The following ANO2 variants were observed in gnomAD, a reference collection of about 807,000 sequenced individuals.
ANO2 encodes the protein anoctamin-2.
ANO2 carries 101 observed loss-of-function variants against 124.2 expected under a neutral mutation model. The observed-to-expected ratio is 0.81, with a 90% CI of 0.69 to 0.96. The LOEUF is 0.96. ANO2 is among the 40% of genes least tolerant of loss of function. The probability of loss-of-function intolerance (pLI) is 0.00; values close to 1 mark genes in which losing one functional copy is unlikely to be tolerated. For missense variants in ANO2, 1,293 were observed against 1,274.5 expected (o/e 1.01, Z -0.22); for synonymous variants, 486 against 482.5 (o/e 1.01, Z -0.09).
intron 14 of ANO2, among the ~76,000 whole-genome samples, chr12:5,696,808 G>A (rs562392293): frequency 6.6e-5 from 10 of 152,230 alleles, no homozygotes; most frequent in Non-Finnish European, 1.3e-4. Flanking sequence ...TACATGAAGA[G>A]TTTAAGATTT....
chr12:5,633,642 G>A lies in ANO2; in HGVS notation c.1816+1510C>T, dbSNP rs112882562. 1.9e-3 allele frequency among the ~76,000 whole-genome samples: 288 copies of A among 151,766 alleles called. 2 individuals carry two copies. The highest frequency in any genetic ancestry group is 7.0e-3 in the Middle Eastern group (2 of 284). The stretch of plus-strand genomic sequence containing the variant: ...CGTCAGCACAGTTTCCCACTCCATC[G>A]TGCCCTGGATGTGCCCTGGACGTAG... On this transcript the variant is annotated intron_variant, in intron 16 of 24. Transcript: ENST00000682330.
At chr12:5,728,457 T>C (rs1950523345) in intron 14 of ANO2, among the ~76,000 whole-genome samples, 1 of 152,038 alleles carries the variant, frequency 6.6e-6, no homozygotes, top group South Asian at 2.1e-4. Flanking sequence ...TGTACAAGAC[T>C]TGTACACTGA....
chr12:5,619,850 G>C (rs1390505536), intron 16 of ANO2, among the ~76,000 whole-genome samples: 5 of 152,234 alleles, frequency 3.3e-5, no homozygotes, highest in African/African-American at 1.2e-4. Flanking sequence ...ACTGCAGCTG[G>C]CGAGGGAAAC....
In ANO2 at chr12:5,830,247, G is replaced by A. The variant is rs560043291; in HGVS notation, c.840+188C>T. ...AGAGAAGACGCTCCTCTTAAACCACGAGTGAGGGCAGTTATTTGCTGTTTC... is the reference window on the plus strand; with the variant it reads ...AGAGAAGACGCTCCTCTTAAACCACAAGTGAGGGCAGTTATTTGCTGTTTC... On this transcript the variant is annotated intron_variant, in intron 6 of 24. Transcript: ENST00000682330. Among the ~76,000 whole-genome samples the A allele has an allele frequency of 4.6e-5, 7 of 152,112 alleles. No homozygotes were observed. In the South Asian group the frequency reaches 1.3e-3, roughly 27 times the overall value.
chr12:5,620,421 CATT>C (rs1945053768), intron 16 of ANO2, among the ~76,000 whole-genome samples: 1 of 152,182 alleles, frequency 6.6e-6, no homozygotes, highest in Admixed American at 6.5e-5. Context: ...TTGCAAAGAG[CATT>C]GCCCGCTAGG....
rs548906091 is a variant in ANO2, at chr12:5,597,661, G to A, written c.2233+1823C>T. ...GAAACCCACACAGCTAATTGGTGGC[G>A]ACGGAAGTGGGACCACTGGCGTCAG... On this transcript the variant is annotated intron_variant, in intron 20 of 24. Coordinates refer to ENST00000682330, the MANE Select transcript of ANO2 (RefSeq NM_001364791.2). Among the ~76,000 whole-genome samples the A allele has an allele frequency of 4.4e-3, 676 of 152,276 alleles. 6 individuals are homozygous for A. The highest frequency in any genetic ancestry group is 0.014 in the African/African-American group (600 of 41,560).
chr12:5,785,955 A>G (rs962206608), intron 10 of ANO2, among the ~76,000 whole-genome samples: 3 of 151,874 alleles, frequency 2.0e-5, no homozygotes, highest in African/African-American at 4.8e-5. Flanking sequence ...CATACTCATC[A>G]ACTCTACAAA....
chr12:5,915,484 C>T (rs748247997), intron 3 of ANO2, among the ~76,000 whole-genome samples: 6 of 152,128 alleles, frequency 3.9e-5, no homozygotes, highest in Non-Finnish European at 5.9e-5. Context: ...TCAGTGGATG[C>T]GAAGTTCTTT....
At chr12:5,660,558 C>A (rs556066809) in intron 14 of ANO2, among the ~76,000 whole-genome samples, 1 of 151,524 alleles carries the variant, frequency 6.6e-6, no homozygotes. Flanking sequence ...AACTTTCCCA[C>A]GCCCCTTGTC....
upstream of ANO2, among the ~76,000 whole-genome samples, chr12:5,945,559 C>G (rs1943069767): frequency 6.6e-6 from 1 of 152,266 alleles, no homozygotes. Flanking sequence ...GCCCCACAAC[C>G]TGCTTCGAGT....
At chr12:5,704,915 T>C (rs1243269372) in intron 14 of ANO2, among the ~76,000 whole-genome samples, 2 of 152,232 alleles carry the variant, frequency 1.3e-5, no homozygotes, top group Non-Finnish European at 2.9e-5. Flanking sequence ...TTTAAAAACA[T>C]AACCTACTTT....
chr12:5,903,767 T>C (rs1940488540), intron 3 of ANO2, among the ~76,000 whole-genome samples: 1 of 152,132 alleles, frequency 6.6e-6, no homozygotes, highest in African/African-American at 2.4e-5. Flanking sequence ...CGCAGCCCTT[T>C]GGTCCTTTGG....
chr12:5,683,202 T>A (rs1462884400), intron 14 of ANO2, among the ~76,000 whole-genome samples: 1 of 152,190 alleles, frequency 6.6e-6, no homozygotes, highest in Non-Finnish European at 1.5e-5. Flanking sequence ...CTTCTCTCTA[T>A]TTAACTCCAC....
chr12:5,763,268 A>G (rs1007861349), intron 10 of ANO2, among the ~76,000 whole-genome samples: 21 of 152,044 alleles, frequency 1.4e-4, no homozygotes, highest in African/African-American at 5.1e-4. Context: ...ATGATGTTTA[A>G]CCTTCTTTGA....
chr12:5,818,447 T>TTATA lies in ANO2; in HGVS notation c.892+9318_892+9321dup, dbSNP rs57443240. On this transcript the variant is annotated intron_variant, in intron 7 of 24. Coordinates refer to ENST00000682330, the MANE Select transcript of ANO2 (RefSeq NM_001364791.2). ...TGAGTTAATACTTAATAAACTCATA[T>TTATA]TATATATATATATATATATATATAT... Among the ~76,000 whole-genome samples the TTATA allele has an allele frequency of 3.0e-3, 250 of 82,846 alleles. 1 individual carries two copies. Among genetic ancestry groups the TTATA allele is most frequent in the African/African-American group, 5.4e-3 (135 of 25,188 alleles). The allele number at this position is 82,846 out of a possible 152,430, so 54.4% of individuals were successfully genotyped here.
chr12:5,863,865 G>A (rs773403307), intron 3 of ANO2, among the ~76,000 whole-genome samples: 5 of 152,040 alleles, frequency 3.3e-5, no homozygotes, highest in Admixed American at 6.6e-5. Context: ...TTAACAATAT[G>A]TTATATATTC....
At chr12:5,844,224 G>A (rs920090981) in intron 4 of ANO2, among the ~76,000 whole-genome samples, 6 of 152,178 alleles carry the variant, frequency 3.9e-5, no homozygotes, top group African/African-American at 1.4e-4. Flanking sequence ...CTGCTTGGAC[G>A]AGAGTCTAAA....
At chr12:5,846,284 G>A (rs1954683398) in intron 4 of ANO2, among the ~76,000 whole-genome samples, 1 of 152,142 alleles carries the variant, frequency 6.6e-6, no homozygotes, top group African/African-American at 2.4e-5. Context: ...TCATCAAACA[G>A]GAATGGAACA....
intron 14 of ANO2, among the ~76,000 whole-genome samples, chr12:5,730,719 G>T (rs1950599126): frequency 6.6e-6 from 1 of 152,170 alleles, no homozygotes; most frequent in South Asian, 2.1e-4. Flanking sequence ...GCTGGATTTG[G>T]CAAGAACAGA....
Sources: allele counts gnomAD v4.1 joint callset (sites outside exome capture counted in the v4.1 genomes callset), GRCh38; gene constraint gnomAD v4.1.1; transcripts MANE v1.5; gene names NCBI Gene and HGNC (gene_info 2026-07-23, HGNC 2026-07-21).